TSPAN11: variants seen among roughly 807,000 people sequenced by gnomAD.
TSPAN11 encodes the protein tetraspanin-11.
Under a neutral mutation model 32.9 loss-of-function variants are expected in TSPAN11, and 29 were observed. The observed-to-expected ratio is 0.88, with a 90% CI of 0.66 to 1.20. The LOEUF (loss-of-function observed/expected upper bound fraction) is 1.20. Ranked by LOEUF, TSPAN11 falls within the 50% of genes most tolerant of loss-of-function variation. The probability of loss-of-function intolerance (pLI) is 0.00; values close to 1 mark genes in which losing one functional copy is unlikely to be tolerated. For synonymous variants in TSPAN11, 140 were observed against 141.3 expected, an observed-to-expected ratio of 0.99 and a Z score of 0.07; for missense variants, 283 against 329.1, an observed-to-expected ratio of 0.86 and a Z score of 1.08.
intron 2 of TSPAN11, among the ~76,000 whole-genome samples, chr12:30,956,351 G>T (rs1259727061): frequency 6.6e-6 from 1 of 152,232 alleles, no homozygotes; most frequent in African/African-American, 2.4e-5. Flanking sequence ...GATGCACTCA[G>T]ATATTTTTTT....
rs576097601 is a variant in TSPAN11 at position 30,979,634 on chromosome 12, G to A, written c.420G>A (p.Thr140=). Reference sequence around the variant, plus strand: ...AGAACTACGGGCAGCCCGGAGCCACGCAGATCACCGCCTCAGTGGACCGAC... The same window carrying A: ...AGAACTACGGGCAGCCCGGAGCCACACAGATCACCGCCTCAGTGGACCGAC... ...LAENYGQPGA[T]QITASVDRLQ... Residue 140 remains threonine (T), a synonymous_variant, in exon 5 of 8, where the codon ACG becomes ACA. Coordinates refer to ENST00000546076, the MANE Select transcript of TSPAN11 (RefSeq NM_001370302.1). 5.1e-5 allele frequency: 83 copies of A among 1,614,026 alleles called. No individual in the cohort carries two copies. In the East Asian group the frequency reaches 5.6e-4, roughly 11 times the overall value.
chr12:30,949,201 G>A (rs938360087), intron 1 of TSPAN11, among the ~76,000 whole-genome samples: 2 of 151,976 alleles, frequency 1.3e-5, no homozygotes, highest in Non-Finnish European at 2.9e-5. Context: ...ACATTTTCCT[G>A]TCTTCTGAGC....
Position 30,995,582 on chromosome 12 carries a change from C to G in TSPAN11, c.*3667C>G, listed in dbSNP as rs1939400826. On this transcript the variant is annotated 3_prime_UTR_variant, in exon 8 of 8. Coordinates refer to ENST00000546076, the MANE Select transcript of TSPAN11 (RefSeq NM_001370302.1). ...TTTGTTTCAGAATCTGCTACTTGGG[C>G]CCTCTTCAGGGTTTTGAGGCTGGAG... 6.6e-6 allele frequency: 1 copy of G among 152,162 alleles called. No individual in the cohort carries two copies. The highest frequency in any genetic ancestry group is 6.5e-5 in the Admixed American group (1 of 15,276). 9.4% of individuals were successfully genotyped at this position (152,162 alleles called of 1,614,324 possible).
intron 7 of TSPAN11, 41 bp from the exon 8 acceptor site, chr12:30,991,815 T>C: frequency 2.5e-6 from 4 of 1,612,126 alleles, no homozygotes; most frequent in Non-Finnish European, 2.5e-6. Flanking sequence ...CTTCCAGGAG[T>C]TCTGATTTCT....
At position 30,971,880 on chromosome 12, in the gene TSPAN11, T is replaced by C. The variant is rs115941928; in HGVS notation, c.277-6681T>C. ...AATTGGTTTGGTTCAGAGAGTACTA[T>C]GCTGTTCTAGCTTCACTTTGGATCT... On this transcript the variant is annotated intron_variant, in intron 3 of 7. Coordinates refer to ENST00000546076, the MANE Select transcript of TSPAN11 (RefSeq NM_001370302.1). 3.1e-3 allele frequency among the ~76,000 whole-genome samples: 467 copies of C among 152,142 alleles called. 3 individuals are homozygous for C. The highest frequency in any genetic ancestry group is 0.011 in the African/African-American group (454 of 41,516).
At chr12:30,964,597 C>G (rs139423332) in intron 3 of TSPAN11, among the ~76,000 whole-genome samples, 62 of 152,248 alleles carry the variant, frequency 4.1e-4, no homozygotes, top group African/African-American at 1.4e-3. Flanking sequence ...TCACCTGCAC[C>G]CTGCCCACTT....
the TSPAN11 span, among the ~76,000 whole-genome samples, chr12:31,005,550 G>A: frequency 3.3e-4 from 51 of 152,318 alleles, no homozygotes; most frequent in Admixed American, 1.1e-3. Context: ...AGACACAGAC[G>A]CAGGCATCCA....
chr12:31,002,527 G>A, the TSPAN11 span, among the ~76,000 whole-genome samples: 1 of 152,226 alleles, frequency 6.6e-6, no homozygotes, highest in African/African-American at 2.4e-5. This position sits in a 1 kb window ranked among gnomAD's most constrained non-coding sequence, Gnocchi z 4.8. Context: ...ACTGCAGTAG[G>A]GCAGTGGGAT....
chr12:30,930,649 G>A (rs141020877), intron 1 of TSPAN11, among the ~76,000 whole-genome samples: 305 of 152,336 alleles, frequency 2.0e-3, no homozygotes, highest in Non-Finnish European at 1.6e-3. Flanking sequence ...AGAGGGGTAC[G>A]GAGCGCCCAG....
chr12:30,951,763 G>T (rs1264004254), intron 1 of TSPAN11, among the ~76,000 whole-genome samples: 1 of 152,190 alleles, frequency 6.6e-6, no homozygotes, highest in African/African-American at 2.4e-5. Context: ...CTGGCTGCAG[G>T]CTGGTACTGA....
At position 30,992,425 on chromosome 12, in the gene TSPAN11, A is replaced by C; in HGVS notation, c.*510A>C. 5.6e-6 allele frequency: 1 copy of C among 178,938 alleles called. No individual in the cohort carries two copies. The highest frequency in any genetic ancestry group is 1.2e-5 in the Non-Finnish European group (1 of 82,766). 11.1% of individuals were successfully genotyped at this position (178,938 alleles called of 1,614,324 possible). The stretch of plus-strand genomic sequence containing the variant: ...GAAGACCTTGCCCTTTGACCTGCCC[A>C]CTCTCCACACTGCCTCACCTGGAAA... On this transcript the variant is annotated 3_prime_UTR_variant, in exon 8 of 8. Coordinates refer to ENST00000546076, the MANE Select transcript of TSPAN11 (RefSeq NM_001370302.1).
chr12:30,963,672 A>G (rs1938660474), intron 2 of TSPAN11, among the ~76,000 whole-genome samples, 154 bp from the exon 3 acceptor site: 2 of 152,180 alleles, frequency 1.3e-5, no homozygotes, highest in Non-Finnish European at 2.9e-5. Flanking sequence ...CGATTTCCTC[A>G]TCTGTAAAAT....
At chr12:30,973,346 G>T (rs1592487847) in intron 3 of TSPAN11, among the ~76,000 whole-genome samples, 2 of 152,230 alleles carry the variant, frequency 1.3e-5, no homozygotes. Flanking sequence ...GCTTGCAAGG[G>T]GGGCTGGCAC....
At chr12:30,935,284 G>C (rs144476800) in intron 1 of TSPAN11, among the ~76,000 whole-genome samples, 79 of 151,942 alleles carry the variant, frequency 5.2e-4, no homozygotes, top group African/African-American at 1.8e-3. Context: ...ATCATTCTCT[G>C]AGTGTGGGAA....
intron 1 of TSPAN11, among the ~76,000 whole-genome samples, chr12:30,944,131 C>T (rs57907725): frequency 0.034 from 5,234 of 151,850 alleles, 292 homozygotes; most frequent in African/African-American, 0.12. Context: ...ACAGATAAAA[C>T]TGTATGTATT....
intron 1 of TSPAN11, among the ~76,000 whole-genome samples, chr12:30,932,886 C>A (rs1261652347): frequency 6.6e-6 from 1 of 152,180 alleles, no homozygotes; most frequent in Admixed American, 6.5e-5. Context: ...GATTTTAAGT[C>A]ATTTGGCTTT....
At chr12:30,939,858 A>G (rs1464104499) in intron 1 of TSPAN11, among the ~76,000 whole-genome samples, 1 of 152,204 alleles carries the variant, frequency 6.6e-6, no homozygotes, top group Admixed American at 6.5e-5. Flanking sequence ...GTTTCCCATC[A>G]ATGGAACTGT....
chr12:30,944,294 A>G (rs2140277536), intron 1 of TSPAN11, among the ~76,000 whole-genome samples: 1 of 152,236 alleles, frequency 6.6e-6, no homozygotes, highest in South Asian at 2.1e-4. Context: ...TATATTATTA[A>G]CTATAGTTAT....
At chr12:30,974,525 G>T (rs1344285729) in intron 3 of TSPAN11, among the ~76,000 whole-genome samples, 1 of 152,228 alleles carries the variant, frequency 6.6e-6, no homozygotes, top group Non-Finnish European at 1.5e-5. Flanking sequence ...CGCAGCATGG[G>T]GCTGGTTATG....
Sources: allele counts gnomAD v4.1 joint callset (sites outside exome capture counted in the v4.1 genomes callset), GRCh38; gene constraint gnomAD v4.1.1; non-coding constraint Gnocchi (gnomAD v3.1); transcripts MANE v1.5; gene names NCBI Gene and HGNC (gene_info 2026-07-23, HGNC 2026-07-21).